DOCK3: variants seen among roughly 807,000 people sequenced by gnomAD.
The protein encoded by DOCK3 is dedicator of cytokinesis 3.
In DOCK3, 60 loss-of-function variants were observed where a neutral mutation model predicts 265.6. That is an observed-to-expected ratio of 0.23 (90% CI 0.18 to 0.28). The LOEUF (loss-of-function observed/expected upper bound fraction) is 0.28, where lower values mean the gene tolerates loss of function less well. Ranked by LOEUF, DOCK3 falls within the 10% of genes least tolerant of loss-of-function variation. The pLI is 1.00. For missense variants in DOCK3, 1,981 were observed against 2,594.3 expected (o/e 0.76, Z 5.14); for synonymous variants, 881 against 938.0 (o/e 0.94, Z 1.11).
intron 5 of DOCK3, among the ~76,000 whole-genome samples, chr3:50,939,238 T>G (rs928055337): frequency 1.1e-4 from 16 of 152,044 alleles, no homozygotes; most frequent in Admixed American, 9.2e-4. Context: ...ATAGATAATC[T>G]GAAAATCCTG....
chr3:51,109,152 G>A (rs1399902113), intron 9 of DOCK3, among the ~76,000 whole-genome samples: 2 of 152,054 alleles, frequency 1.3e-5, no homozygotes, highest in Non-Finnish European at 2.9e-5. Flanking sequence ...CAAATACAAA[G>A]CAAGCAAAGT....
At chr3:51,115,237 T>C (rs1310160240) in intron 9 of DOCK3, among the ~76,000 whole-genome samples, 1 of 152,228 alleles carries the variant, frequency 6.6e-6, no homozygotes, top group Non-Finnish European at 1.5e-5. Context: ...TTCCCAATGG[T>C]TGAACTACTT....
At chr3:50,923,301 G>T (rs915201748) in intron 4 of DOCK3, among the ~76,000 whole-genome samples, 12 of 152,148 alleles carry the variant, frequency 7.9e-5, no homozygotes, top group Non-Finnish European at 1.5e-4. Context: ...GGGATTGGTG[G>T]ATCAATGGTA....
intron 36 of DOCK3, 134 bp downstream of exon 36, chr3:51,338,553 G>A: frequency 1.0e-6 from 1 of 982,886 alleles, no homozygotes; most frequent in East Asian, 2.6e-5. Flanking sequence ...CTCTGTTACT[G>A]GTATCTTAGA....
chr3:50,763,754 A>G (rs2040681611), intron 1 of DOCK3, among the ~76,000 whole-genome samples: 1 of 152,068 alleles, frequency 6.6e-6, no homozygotes, highest in Admixed American at 6.6e-5. Flanking sequence ...GATATTAGTA[A>G]TTTAAGTCTT....
intron 5 of DOCK3, among the ~76,000 whole-genome samples, chr3:50,995,137 C>T (rs1299288221): frequency 6.6e-6 from 1 of 152,180 alleles, no homozygotes; most frequent in Non-Finnish European, 1.5e-5. Context: ...ATATGTACTA[C>T]TGTTACTTTC....
chr3:50,915,794 C>T (rs1344214952), intron 4 of DOCK3, among the ~76,000 whole-genome samples: 1 of 151,954 alleles, frequency 6.6e-6, no homozygotes, highest in Non-Finnish European at 1.5e-5. Flanking sequence ...GGAGGCATGA[C>T]TGCTCTAGGT....
intron 4 of DOCK3, among the ~76,000 whole-genome samples, chr3:50,901,921 A>G (rs1167924366): frequency 2.0e-5 from 3 of 152,168 alleles, no homozygotes; most frequent in Non-Finnish European, 4.4e-5. Flanking sequence ...CTATTCGGCC[A>G]TCTTGCCATA....
At chr3:51,064,388 T>G (rs2081519351) in intron 5 of DOCK3, 60 bp from the exon 6 acceptor site, 2 of 1,593,094 alleles carry the variant, frequency 1.3e-6, no homozygotes, top group East Asian at 4.5e-5. Context: ...TTTCTCTTTT[T>G]CTTTTCATTC....
intron 12 of DOCK3, among the ~76,000 whole-genome samples, chr3:51,162,447 A>G (rs1183556982): frequency 6.6e-6 from 1 of 152,096 alleles, no homozygotes; most frequent in Non-Finnish European, 1.5e-5. Context: ...TCCTCCTTCC[A>G]TGCATCAGTC....
At chr3:51,080,551 C>G (rs554664185) in intron 7 of DOCK3, among the ~76,000 whole-genome samples, 1 of 152,278 alleles carries the variant, frequency 6.6e-6, no homozygotes, top group East Asian at 1.9e-4. Context: ...TCCAGAATGC[C>G]AGTTCTGATG....
At chr3:51,284,778 G>T (rs1284651125) in intron 27 of DOCK3, among the ~76,000 whole-genome samples, 2 of 152,092 alleles carry the variant, frequency 1.3e-5, no homozygotes, top group African/African-American at 4.8e-5. Context: ...TTCCTGGAAG[G>T]CATTTGGCCA....
chr3:51,012,976 G>A (rs897991750), intron 5 of DOCK3, among the ~76,000 whole-genome samples: 5 of 152,022 alleles, frequency 3.3e-5, no homozygotes, highest in South Asian at 2.1e-4. Flanking sequence ...CATAGTTCTC[G>A]TGCCATGGTT....
intron 21 of DOCK3, among the ~76,000 whole-genome samples, chr3:51,242,314 C>G (rs887632145): frequency 2.0e-5 from 3 of 152,118 alleles, no homozygotes; most frequent in Non-Finnish European, 4.4e-5. Context: ...CCGAGATGCT[C>G]CCAGACTGCT....
intron 27 of DOCK3, among the ~76,000 whole-genome samples, chr3:51,291,008 T>G (rs1576673186): frequency 6.6e-6 from 1 of 152,042 alleles, no homozygotes; most frequent in Non-Finnish European, 1.5e-5. Flanking sequence ...ACCCGGGAGG[T>G]GGAGGTTGCA....
At chr3:51,104,906 A>G (rs1277912743) in intron 9 of DOCK3, among the ~76,000 whole-genome samples, 1 of 152,162 alleles carries the variant, frequency 6.6e-6, no homozygotes, top group East Asian at 1.9e-4. Context: ...CTCCAACCCC[A>G]GCCTCCTGAG....
At chr3:50,817,387 G>C (rs1304791669) in intron 2 of DOCK3, among the ~76,000 whole-genome samples, 9 of 152,094 alleles carry the variant, frequency 5.9e-5, no homozygotes, top group Non-Finnish European at 1.2e-4. Context: ...AACCTCCCAG[G>C]CTCAAGCCAT....
chr3:51,250,566 C>T (rs2079160344), intron 22 of DOCK3, among the ~76,000 whole-genome samples: 1 of 152,162 alleles, frequency 6.6e-6, no homozygotes, highest in Non-Finnish European at 1.5e-5. Context: ...TTGCAGTGAA[C>T]CAAGATTGTG....
intron 4 of DOCK3, among the ~76,000 whole-genome samples, chr3:50,904,152 C>T (rs1484497248): frequency 6.6e-6 from 1 of 152,176 alleles, no homozygotes; most frequent in Non-Finnish European, 1.5e-5. Flanking sequence ...TTTCTTAATC[C>T]AGTCTATCAT....
Sources: allele counts gnomAD v4.1 joint callset (sites outside exome capture counted in the v4.1 genomes callset), GRCh38; gene constraint gnomAD v4.1.1; transcripts MANE v1.5; gene names NCBI Gene and HGNC (gene_info 2026-07-23, HGNC 2026-07-21).